SMIM14: variants seen among roughly 807,000 people sequenced by gnomAD.
The protein encoded by SMIM14 is chromosome 4 open reading frame 34.
In SMIM14, 5 loss-of-function variants were observed where a neutral mutation model predicts 12.6. The observed-to-expected ratio is 0.40, with a 90% confidence interval of 0.21 to 0.83. The LOEUF is 0.83. Among genes scored for constraint, SMIM14 ranks in the 40% least tolerant of loss-of-function variants. SMIM14 has a pLI of 0.37. For missense variants in SMIM14, 86 were observed against 119.1 expected, an observed-to-expected ratio of 0.72 and a Z score of 1.29; for synonymous variants, 30 against 40.1, an observed-to-expected ratio of 0.75 and a Z score of 0.95.
In SMIM14 at chr4:39,592,979, G is replaced by A. The variant is rs571797705; in HGVS notation, c.75+12092C>T. On this transcript the variant is annotated intron_variant, in intron 2 of 4. Coordinates refer to ENST00000295958, the MANE Select transcript of SMIM14 (RefSeq NM_174921.3). The stretch of plus-strand genomic sequence containing the variant: ...AGCCGAATTCTACCAGAGGTACAAG[G>A]AGGAACTGGTACCATTCCTTCTGAA... 3 of 152,038 alleles carry A rather than the reference G, an allele frequency of 2.0e-5. No individual in the cohort carries two copies. The South Asian group carries it at 6.2e-4, about 32-fold the overall frequency. 9.4% of individuals were successfully genotyped at this position (152,038 alleles called of 1,614,324 possible).
intron 1 of SMIM14, among the ~76,000 whole-genome samples, chr4:39,610,336 C>T (rs1376579944): frequency 6.6e-6 from 1 of 152,090 alleles, no homozygotes; most frequent in East Asian, 1.9e-4. Context: ...TCAACTACAG[C>T]AACAGATTAG....
At chr4:39,599,045 G>A (rs1048792122) in intron 2 of SMIM14, among the ~76,000 whole-genome samples, 1 of 152,146 alleles carries the variant, frequency 6.6e-6, no homozygotes, top group Non-Finnish European at 1.5e-5. Flanking sequence ...TCATCCTCTA[G>A]GAACTTCCTA....
At chr4:39,599,341 T>G (rs1019759207) in intron 2 of SMIM14, among the ~76,000 whole-genome samples, 6 of 152,078 alleles carry the variant, frequency 3.9e-5, no homozygotes, top group Non-Finnish European at 8.8e-5. Flanking sequence ...TTTTTTTTAC[T>G]CTGAGTCTCA....
At chr4:39,638,371 G>T in intron 1 of SMIM14, 1 of 732,462 alleles carries the variant, frequency 1.4e-6, no homozygotes, top group Non-Finnish European at 1.7e-6. Context: ...TGGATTTCAG[G>T]ATTTGTGAGT....
rs549567909 is a variant in SMIM14 at position 39,614,757 on chromosome 4, A to AT, written c.-35-9578dup. Among the ~76,000 whole-genome samples, 584 of 152,344 alleles carry AT rather than the reference A, an allele frequency of 3.8e-3. 4 individuals carry two copies. The highest frequency in any genetic ancestry group is 3.7e-3 in the Non-Finnish European group (251 of 68,024). ...CAACATGGTTTATAAGTGACTTTCT[A>AT]TGTAGCATTAAGGGCAAAATAAACA... On this transcript the variant is annotated intron_variant, in intron 1 of 4. Transcript: ENST00000295958.
chr4:39,568,409 C>T (rs1712692131), intron 3 of SMIM14, among the ~76,000 whole-genome samples: 1 of 152,000 alleles, frequency 6.6e-6, no homozygotes, highest in Non-Finnish European at 1.5e-5. Context: ...TTTCTGATAT[C>T]ACAATGATTA....
chr4:39,579,497 G>A lies in SMIM14; in HGVS notation c.76-7034C>T, dbSNP rs139883915. Among the ~76,000 whole-genome samples, 346 of 151,950 alleles carry A rather than the reference G, an allele frequency of 2.3e-3. 1 individual carries two copies. The highest frequency in any genetic ancestry group is 8.1e-3 in the African/African-American group (334 of 41,488). On this transcript the variant is annotated intron_variant, in intron 2 of 4. Coordinates refer to ENST00000295958, the MANE Select transcript of SMIM14 (RefSeq NM_174921.3). ...AAGACTTGCCACAGAGATATGCTAG[G>A]GAAAAGTATAGAATCTAAAATAGTC...
At chr4:39,606,344 TAA>T (rs76951176) in intron 1 of SMIM14, among the ~76,000 whole-genome samples, 27 of 126,482 alleles carry the variant, frequency 2.1e-4, no homozygotes, top group Admixed American at 4.0e-4. Context: ...AGTTCATGTT[TAA>T]AAAAAAAAAA....
intron 2 of SMIM14, among the ~76,000 whole-genome samples, chr4:39,590,413 C>CA (rs1006878709): frequency 4.3e-4 from 57 of 133,340 alleles, no homozygotes; most frequent in Middle Eastern, 4.0e-3. Flanking sequence ...AACTCTGCCT[C>CA]AAAAAAAAAA....
At chr4:39,581,518 CT>C (rs1432369898) in intron 2 of SMIM14, among the ~76,000 whole-genome samples, 233 of 132,014 alleles carry the variant, frequency 1.8e-3, no homozygotes, top group South Asian at 2.7e-3. Flanking sequence ...TTTTCTTTTT[CT>C]TTTTTTTTTT....
chr4:39,627,701 C>T (rs1715751072), intron 1 of SMIM14, among the ~76,000 whole-genome samples: 1 of 152,138 alleles, frequency 6.6e-6, no homozygotes, highest in African/African-American at 2.4e-5. Context: ...TATCACTCAT[C>T]TGCATAAAAG....
intron 1 of SMIM14, among the ~76,000 whole-genome samples, chr4:39,627,776 T>C (rs1436896255): frequency 1.3e-5 from 2 of 152,206 alleles, no homozygotes; most frequent in African/African-American, 4.8e-5. Flanking sequence ...GTCCTGTCCT[T>C]TCCTGGCCGC....
chr4:39,580,308 T>C (rs1035877601), intron 2 of SMIM14, among the ~76,000 whole-genome samples: 2 of 151,900 alleles, frequency 1.3e-5, no homozygotes, highest in Admixed American at 6.6e-5. Flanking sequence ...GCCTCCTGAG[T>C]AGTGGGGACC....
rs1183669414 is a variant in SMIM14, at chr4:39,563,469, C to G, written c.125-6899G>C. On this transcript the variant is annotated intron_variant, in intron 3 of 4. Coordinates refer to ENST00000295958, the MANE Select transcript of SMIM14 (RefSeq NM_174921.3). ...AGGCACTGCCTAAGACCATCTGATT[C>G]AGGAGCAGCTTCGGGGTGGGATCAG... Among the ~76,000 whole-genome samples, 8 of 152,232 alleles carry G rather than the reference C, an allele frequency of 5.3e-5. No homozygotes were observed. The South Asian group carries it at 1.0e-3, about 20-fold the overall frequency.
chr4:39,610,017 G>C (rs1714966896), intron 1 of SMIM14, among the ~76,000 whole-genome samples: 1 of 152,198 alleles, frequency 6.6e-6, no homozygotes, highest in South Asian at 2.1e-4. Context: ...TTGAGACAGT[G>C]TCTGGCTCTG....
At chr4:39,588,701 T>TA (rs1197469389) in intron 2 of SMIM14, among the ~76,000 whole-genome samples, 1 of 152,012 alleles carries the variant, frequency 6.6e-6, no homozygotes, top group East Asian at 1.9e-4. Context: ...TCTGGGAAGA[T>TA]ACACACCAAT....
intron 1 of SMIM14, among the ~76,000 whole-genome samples, chr4:39,606,639 CAAAAAA>C (rs71192881): frequency 5.6e-5 from 7 of 126,048 alleles, no homozygotes; most frequent in Non-Finnish European, 1.7e-5. Flanking sequence ...GACTCCGTCT[CAAAAAA>C]AAAAAAAAAA....
intron 1 of SMIM14, among the ~76,000 whole-genome samples, chr4:39,619,851 TATATATATTTATATATATATATATA>T (rs1715401672): frequency 2.5e-5 from 1 of 40,732 alleles, no homozygotes; most frequent in South Asian, 1.1e-3. Flanking sequence ...TATATATATT[TATATATATTTATATATATATATATA>T]TTTTTTTTTT....
rs1169991456 is a variant in SMIM14 at position 39,551,598 on chromosome 4, C to T, written c.*528G>A. The T allele has an allele frequency of 6.5e-6, 1 of 152,672 alleles. No individual in the cohort carries two copies. Among genetic ancestry groups the T allele is most frequent in the African/African-American group, 2.4e-5 (1 of 41,450 alleles). The allele number at this position is 152,672 out of a possible 1,614,324, so 9.5% of individuals were successfully genotyped here. ...TTGCAAAACAATCCAAGAGCTACCA[C>T]AGTCCCCAAAACTACAGAAAACTGC... On this transcript the variant is annotated 3_prime_UTR_variant, in exon 5 of 5. Coordinates refer to ENST00000295958, the MANE Select transcript of SMIM14 (RefSeq NM_174921.3).
Sources: allele counts gnomAD v4.1 joint callset (sites outside exome capture counted in the v4.1 genomes callset), GRCh38; gene constraint gnomAD v4.1.1; transcripts MANE v1.5; gene names NCBI Gene and HGNC (gene_info 2026-07-23, HGNC 2026-07-21).